FANK1: variants seen among roughly 807,000 people sequenced by gnomAD.
FANK1 encodes the protein fibronectin type 3 and ankyrin repeat domains protein 1.
Under a neutral mutation model 45.3 loss-of-function variants are expected in FANK1, and 44 were observed. That is an observed-to-expected ratio of 0.97 (90% CI 0.76 to 1.25). The LOEUF (loss-of-function observed/expected upper bound fraction) is 1.25. FANK1 is among the 50% of genes most tolerant of loss of function. FANK1 has a pLI of 0.00. For synonymous variants in FANK1, 149 were observed against 152.5 expected, an observed-to-expected ratio of 0.98 and a Z score of 0.17; for missense variants, 391 against 424.4, an observed-to-expected ratio of 0.92 and a Z score of 0.69.
In FANK1 at chr10:126,009,520, T is replaced by C. The variant is rs2133359842; in HGVS notation, c.*82T>C. On this transcript the variant is annotated 3_prime_UTR_variant, in exon 11 of 11. Transcript: ENST00000368693. The stretch of plus-strand genomic sequence containing the variant: ...AACTAGGGATGGGAAATTCTGCATC[T>C]TGGGGGGCTGTACATTTATTTATTT... The C allele has an allele frequency of 5.6e-6, 8 of 1,426,454 alleles. No homozygotes were observed. Among genetic ancestry groups the C allele is most frequent in the South Asian group, 3.6e-5 (3 of 82,780 alleles). 88.4% of individuals were successfully genotyped at this position (1,426,454 alleles called of 1,614,324 possible). A position where few individuals can be genotyped will look rare whatever the true frequency, so the allele number is the denominator to read the frequency against.
intron 6 of FANK1, among the ~76,000 whole-genome samples, chr10:126,002,410 A>G (rs760822274): frequency 7.9e-5 from 12 of 152,210 alleles, no homozygotes; most frequent in Non-Finnish European, 1.6e-4. Flanking sequence ...CATTCTAAAG[A>G]CCTTTGAGTG....
chr10:125,993,828 A>C (rs542294989), intron 3 of FANK1, among the ~76,000 whole-genome samples: 11 of 152,378 alleles, frequency 7.2e-5, no homozygotes, highest in African/African-American at 2.2e-4. Flanking sequence ...TAGCTCTAGC[A>C]GACAAAATTG....
chr10:125,982,129 G>T (rs1370236618), intron 2 of FANK1, among the ~76,000 whole-genome samples: 1 of 152,170 alleles, frequency 6.6e-6, no homozygotes, highest in Non-Finnish European at 1.5e-5. Context: ...TGAATTATGA[G>T]AAACATTTCT....
intron 6 of FANK1, among the ~76,000 whole-genome samples, chr10:126,000,198 T>C (rs1340741493): frequency 3.3e-5 from 5 of 152,234 alleles, no homozygotes; most frequent in Non-Finnish European, 7.3e-5. Context: ...TCTCAAATAC[T>C]GCATTGAGGT....
intron 3 of FANK1, among the ~76,000 whole-genome samples, chr10:125,990,557 A>G (rs543764701): frequency 6.6e-6 from 1 of 152,180 alleles, no homozygotes; most frequent in African/African-American, 2.4e-5. Flanking sequence ...CGAACCTTCC[A>G]GGTGAGGGTG....
intron 1 of FANK1, among the ~76,000 whole-genome samples, chr10:125,942,986 G>A (rs555923351): frequency 6.6e-6 from 1 of 151,926 alleles, no homozygotes; most frequent in South Asian, 2.1e-4. Context: ...GCTAATTTTT[G>A]TATTTTTAAT....
At chr10:125,956,241 C>G (rs1010851607) in intron 1 of FANK1, among the ~76,000 whole-genome samples, 22 of 149,586 alleles carry the variant, frequency 1.5e-4, no homozygotes, top group Non-Finnish European at 1.9e-4. Context: ...GAGGAAACAA[C>G]CAGGATGAGG....
intron 1 of FANK1, among the ~76,000 whole-genome samples, chr10:125,906,515 C>CAAAAA (rs34132526): frequency 8.2e-4 from 38 of 46,406 alleles, no homozygotes; most frequent in African/African-American, 2.1e-3. Context: ...GACTCTGTCT[C>CAAAAA]AAAAAAAAAA....
chr10:126,005,574 C>T (rs1287981951), intron 7 of FANK1, among the ~76,000 whole-genome samples: 3 of 152,160 alleles, frequency 2.0e-5, no homozygotes, highest in Admixed American at 2.0e-4. Flanking sequence ...TCCCAAAGTG[C>T]TGGGATTACA....
At chr10:126,006,806 G>A (rs1953249479) in intron 7 of FANK1, among the ~76,000 whole-genome samples, 1 of 152,210 alleles carries the variant, frequency 6.6e-6, no homozygotes, top group Admixed American at 6.5e-5. Context: ...GTTGCAGTGA[G>A]CCAAGATTGT....
chr10:125,960,450 G>A lies in FANK1; in HGVS notation c.14-19711G>A, dbSNP rs562686777. Reference sequence around the variant, plus strand: ...CAAGGGTGGTTGAGCCACGCTAGGCGGGTCAGCCCTGCCAGGCCCTGAGCG... The same window carrying A: ...CAAGGGTGGTTGAGCCACGCTAGGCAGGTCAGCCCTGCCAGGCCCTGAGCG... On this transcript the variant is annotated intron_variant, in intron 1 of 10. Transcript: ENST00000368693. 6.9e-5 allele frequency: 12 copies of A among 173,630 alleles called. No individual in the cohort carries two copies. The East Asian group carries it at 1.3e-3, about 19-fold the overall frequency. 10.8% of individuals were successfully genotyped at this position (173,630 alleles called of 1,614,324 possible).
chr10:125,997,512 G>T (rs368033192), intron 6 of FANK1, 27 bp downstream of exon 6: 200 of 1,602,472 alleles, frequency 1.2e-4, no homozygotes, highest in Non-Finnish European at 1.6e-4. Context: ...GACTGAAATT[G>T]TGCTGATGTT....
intron 1 of FANK1, among the ~76,000 whole-genome samples, chr10:125,940,143 A>G (rs963182405): frequency 2.6e-5 from 4 of 152,176 alleles, no homozygotes; most frequent in Admixed American, 2.6e-4. Context: ...CAAGAGACTG[A>G]GAAAATAAAT....
chr10:125,934,482 A>G (rs1287969663), intron 1 of FANK1, among the ~76,000 whole-genome samples: 1 of 152,026 alleles, frequency 6.6e-6, no homozygotes, highest in Non-Finnish European at 1.5e-5. Context: ...GGGCAGGCAG[A>G]TGAAGGCTCC....
chr10:125,915,987 G>A (rs1946416874), intron 1 of FANK1, among the ~76,000 whole-genome samples: 2 of 152,130 alleles, frequency 1.3e-5, no homozygotes, highest in Admixed American at 6.5e-5. Flanking sequence ...CTTCAGTTTA[G>A]TTAATTGTCA....
intron 1 of FANK1, chr10:125,907,380 A>G: frequency 5.9e-6 from 3 of 511,342 alleles, no homozygotes; most frequent in Non-Finnish European, 7.6e-6. Context: ...ATTATCTGTG[A>G]TAGGCAGACT....
chr10:125,927,497 T>C (rs535543728), intron 1 of FANK1, among the ~76,000 whole-genome samples: 3 of 152,308 alleles, frequency 2.0e-5, no homozygotes, highest in South Asian at 2.1e-4. Context: ...GTTCTGCTGG[T>C]GGCTGACATT....
chr10:125,940,709 A>T (rs901385169), intron 1 of FANK1, among the ~76,000 whole-genome samples: 1 of 152,170 alleles, frequency 6.6e-6, no homozygotes, highest in Non-Finnish European at 1.5e-5. Context: ...ACGAGGCCAT[A>T]TCTCAGGCTG....
chr10:125,962,458 G>A (rs968568400), intron 1 of FANK1, among the ~76,000 whole-genome samples: 2 of 152,068 alleles, frequency 1.3e-5, no homozygotes, highest in African/African-American at 4.8e-5. Flanking sequence ...ACGTATGTTA[G>A]ACTGCTTGAT....
Sources: allele counts gnomAD v4.1 joint callset (sites outside exome capture counted in the v4.1 genomes callset), GRCh38; gene constraint gnomAD v4.1.1; transcripts MANE v1.5; gene names NCBI Gene and HGNC (gene_info 2026-07-23, HGNC 2026-07-21).